Variants in PCDHB2 observed in about 807,000 individuals in gnomAD.
PCDHB2 encodes the protein protocadherin beta 2.
For synonymous variants in PCDHB2, 395 were observed against 464.9 expected, an observed-to-expected ratio of 0.85 and a Z score of 1.93; for missense variants, 914 against 1,023.1, an observed-to-expected ratio of 0.89 and a Z score of 1.45.
In PCDHB2 at chr5:141,094,654, C is replaced by T; in HGVS notation, c.-137C>T. On this transcript the variant is annotated 5_prime_UTR_variant, in exon 1 of 1. Coordinates refer to ENST00000194155, the MANE Select transcript of PCDHB2 (RefSeq NM_018936.4). ...AGAAGCAGCAAGCAGGAAGAGGAGG[C>T]TTTCTAAGGCGGTCGCTCCGGGAAA... 2 of 622,986 alleles carry T rather than the reference C, an allele frequency of 3.2e-6. No individual in the cohort carries two copies. Among genetic ancestry groups the T allele is most frequent in the Non-Finnish European group, 5.3e-6 (2 of 375,592 alleles). 38.6% of individuals were successfully genotyped at this position (622,986 alleles called of 1,614,324 possible).
In PCDHB2 at chr5:141,097,450, C is replaced by A; in HGVS notation, c.*263C>A. On this transcript the variant is annotated 3_prime_UTR_variant, in exon 1 of 1. Transcript: ENST00000194155. ...AAGTAAATTTTGTATTTTCAGAAAT[C>A]TTTAAGTTAGAGCATCTTTTCCAGA... is the stretch of plus-strand genomic sequence containing the variant. 2 of 374,084 alleles carry A rather than the reference C, an allele frequency of 5.3e-6. No individual in the cohort carries two copies. Among genetic ancestry groups the A allele is most frequent in the Admixed American group, 8.7e-5 (2 of 22,958 alleles). The allele number at this position is 374,084 out of a possible 1,614,324, so 23.2% of individuals were successfully genotyped here.
Position 141,096,836 on chromosome 5 carries a change from G to A in PCDHB2, c.2046G>A (p.Gln682=), listed in dbSNP as rs1751842081. 1.9e-6 allele frequency: 3 copies of A among 1,610,922 alleles called. No individual in the cohort carries two copies. Among genetic ancestry groups the A allele is most frequent in the Non-Finnish European group, 1.7e-6 (2 of 1,179,780 alleles). The stretch of plus-strand genomic sequence containing the variant: ...TGCTCCCGGAGGCGGCACCGGCCCA[G>A]GCCCAGGCCGACTTGCTCACCGTCT... ...YLLLPEAAPA[Q]AQADLLTVYL... The change falls in exon 1 of 1, where the codon CAG becomes CAA. Residue 682 remains glutamine (Q), a synonymous_variant. Transcript: ENST00000194155.
rs904799816 is a variant in PCDHB2 at position 141,098,251 on chromosome 5, C to T, written c.*1064C>T. 3 of 151,856 alleles carry T rather than the reference C, an allele frequency of 2.0e-5. No homozygotes were observed. Among genetic ancestry groups the T allele is most frequent in the African/African-American group, 2.4e-5 (1 of 41,298 alleles). 9.4% of individuals were successfully genotyped at this position (151,856 alleles called of 1,614,324 possible). A position where few individuals can be genotyped will look rare whatever the true frequency, so the allele number is the denominator to read the frequency against. ...TAAGAGCCCTCTGCTTATTCCAGTC[C>T]CCCCCTTTAAAATCTTTTAAAATTA... On this transcript the variant is annotated 3_prime_UTR_variant, in exon 1 of 1. Coordinates refer to ENST00000194155, the MANE Select transcript of PCDHB2 (RefSeq NM_018936.4).
Position 141,095,885 on chromosome 5 carries a change from C to A in PCDHB2, c.1095C>A (p.Thr365=). ...INQIPENLQD[T]LIAVFSVSDP... ...AGATCCCAGAAAACTTGCAGGACAC[C>A]CTCATTGCTGTATTCAGCGTTTCAG... Residue 365 remains threonine, a synonymous_variant, in exon 1 of 1, where the codon ACC becomes ACA. Coordinates refer to ENST00000194155, the MANE Select transcript of PCDHB2 (RefSeq NM_018936.4). 3 of 1,613,996 alleles carry A rather than the reference C, an allele frequency of 1.9e-6. No homozygotes were observed. Among genetic ancestry groups the A allele is most frequent in the Non-Finnish European group, 2.5e-6 (3 of 1,179,926 alleles).
chr5:141,095,594 C>T lies in PCDHB2; in HGVS notation c.804C>T (p.Ala268=). 1 of 1,614,162 alleles carries T rather than the reference C, an allele frequency of 6.2e-7. No individual in the cohort carries two copies. The highest frequency in any genetic ancestry group is 8.5e-7 in the Non-Finnish European group (1 of 1,180,028). ...GATCCCAGGTTGCCATCGTCTCTGC[C>T]AGGGATTTAGACATTGGAACTAATG... ...PVGSQVAIVS[A]RDLDIGTNGE... Residue 268 remains alanine, a synonymous_variant, in exon 1 of 1, where the codon GCC becomes GCT. Transcript: ENST00000194155.
At position 141,095,986 on chromosome 5, in the gene PCDHB2, T is replaced by C; in HGVS notation, c.1196T>C (p.Val399Ala). ...CTTCCTTTTTTCTTGAAACCTTCTG[T>C]TGAGAACTTTTACACTCTGGTGATA... The part of the protein sequence containing the change: ...DDLPFFLKPS[V>A]ENFYTLVIST... Residue 399 changes from valine to alanine, a missense_variant, in exon 1 of 1, where the codon GTT becomes GCT. By Grantham distance (64) the Val-to-Ala change is moderately conservative. Coordinates refer to ENST00000194155, the MANE Select transcript of PCDHB2 (RefSeq NM_018936.4). The C allele has an allele frequency of 1.9e-6, 3 of 1,614,150 alleles. No homozygotes were observed. The highest frequency in any genetic ancestry group is 2.5e-6 in the Non-Finnish European group (3 of 1,180,028).
chr5:141,095,506 A>T lies in PCDHB2; in HGVS notation c.716A>T (p.Asp239Val). 6.2e-7 allele frequency: 1 copy of T among 1,614,080 alleles called. No individual in the cohort carries two copies. The highest frequency in any genetic ancestry group is 1.1e-5 in the South Asian group (1 of 91,066). Residue 239 changes from aspartate to valine, a missense_variant, in exon 1 of 1, where the codon GAC (aspartate) becomes GTC (valine). Coordinates refer to ENST00000194155, the MANE Select transcript of PCDHB2 (RefSeq NM_018936.4). ...CGGATTGAAGTTGTGGACATCAATG[A>T]CAACGTCCCAGAGTTTGCAAAGCTG... Reference protein sequence around the residue: ...LVRIEVVDINDNVPEFAKLLY... With the variant: ...LVRIEVVDINVNVPEFAKLLY...
rs1751792178 is a variant in PCDHB2, at chr5:141,095,563, C to T, written c.773C>T (p.Pro258Leu). 1.2e-6 allele frequency: 2 copies of T among 1,613,868 alleles called. No homozygotes were observed. Among genetic ancestry groups the T allele is most frequent in the South Asian group, 2.2e-5 (2 of 91,056 alleles). ...GAGGTGCAGATCCCGGAGGACAGCC[C>T]CGTTGGATCCCAGGTTGCCATCGTC... is the stretch of plus-strand genomic sequence containing the variant. ...LYEVQIPEDS[P>L]VGSQVAIVSA... Residue 258 changes from proline to leucine, a missense_variant, in exon 1 of 1, where the codon CCC becomes CTC. Transcript: ENST00000194155.
In PCDHB2 at chr5:141,095,138, G is replaced by C; in HGVS notation, c.348G>C (p.Leu116Phe). 2 of 1,613,670 alleles carry C rather than the reference G, an allele frequency of 1.2e-6. No homozygotes were observed. The highest frequency in any genetic ancestry group is 1.7e-6 in the Non-Finnish European group (2 of 1,179,802). The change falls in exon 1 of 1, where the codon TTG (leucine) becomes TTC (phenylalanine). Residue 116 changes from leucine to phenylalanine, a missense_variant. By Grantham distance (22) the Leu-to-Phe change is conservative (BLOSUM62 0). Transcript: ENST00000194155. ...TCCAGGTGTTACTAGAAAATCCCTTGCAGTTTTTTCAGGCGGAGCTACGGA... is the reference window on the plus strand; with the variant it reads ...TCCAGGTGTTACTAGAAAATCCCTTCCAGTTTTTTCAGGCGGAGCTACGGA... The part of the protein sequence containing the change: ...LPFQVLLENP[L>F]QFFQAELRIR...
In PCDHB2 at chr5:141,097,219, G is replaced by A. The variant is rs547378848; in HGVS notation, c.*32G>A. Reference sequence around the variant, plus strand: ...ATAAGGATCTACTGAGGCTAGTCTCGTTTAATTTGTGGAAAGTCCTTTTTT... The same window carrying A: ...ATAAGGATCTACTGAGGCTAGTCTCATTTAATTTGTGGAAAGTCCTTTTTT... On this transcript the variant is annotated 3_prime_UTR_variant, in exon 1 of 1. Coordinates refer to ENST00000194155, the MANE Select transcript of PCDHB2 (RefSeq NM_018936.4). 2 of 1,552,220 alleles carry A rather than the reference G, an allele frequency of 1.3e-6. No homozygotes were observed. The highest frequency in any genetic ancestry group is 2.3e-5 in the East Asian group (1 of 44,358).
At position 141,097,031 on chromosome 5, in the gene PCDHB2, G is replaced by A. The variant is rs376868263; in HGVS notation, c.2241G>A (p.Leu747=). The A allele has an allele frequency of 2.2e-4, 357 of 1,613,854 alleles. No homozygotes were observed. The highest frequency in any genetic ancestry group is 2.9e-4 in the Non-Finnish European group (337 of 1,179,892). ...QMVDVSGTGT[L]SQSYQYEVCL... is the part of the protein sequence containing the mutation. Reference sequence around the variant, plus strand: ...TGGACGTGAGCGGCACCGGGACCCTGTCCCAGAGCTACCAGTACGAGGTGT... The same window carrying A: ...TGGACGTGAGCGGCACCGGGACCCTATCCCAGAGCTACCAGTACGAGGTGT... Residue 747 remains leucine, a synonymous_variant, in exon 1 of 1, where the codon CTG becomes CTA. Transcript: ENST00000194155.
chr5:141,097,242 T>A lies in PCDHB2; in HGVS notation c.*55T>A. 6.5e-7 allele frequency: 1 copy of A among 1,527,512 alleles called. No homozygotes were observed. The highest frequency in any genetic ancestry group is 2.1e-5 in the Admixed American group (1 of 47,756). The allele number at this position is 1,527,512 out of a possible 1,614,324, so 94.6% of individuals were successfully genotyped here. The stretch of plus-strand genomic sequence containing the variant: ...TCGTTTAATTTGTGGAAAGTCCTTT[T>A]TTACTGCTTTGCCCATTGGAGGTGT... On this transcript the variant is annotated 3_prime_UTR_variant, in exon 1 of 1. Coordinates refer to ENST00000194155, the MANE Select transcript of PCDHB2 (RefSeq NM_018936.4).
chr5:141,097,275 T>A lies in PCDHB2; in HGVS notation c.*88T>A. Reference sequence around the variant, plus strand: ...TTTGCCCATTGGAGGTGTCTCCTTTTATTAGAAAGTAACCATCTTATTCCA... The same window carrying A: ...TTTGCCCATTGGAGGTGTCTCCTTTAATTAGAAAGTAACCATCTTATTCCA... On this transcript the variant is annotated 3_prime_UTR_variant, in exon 1 of 1. Transcript: ENST00000194155. 7.2e-7 allele frequency: 1 copy of A among 1,381,170 alleles called. No homozygotes were observed. The highest frequency in any genetic ancestry group is 9.9e-7 in the Non-Finnish European group (1 of 1,015,134). 85.6% of individuals were successfully genotyped at this position (1,381,170 alleles called of 1,614,324 possible). A position where few individuals can be genotyped will look rare whatever the true frequency, so the allele number is the denominator to read the frequency against.
chr5:141,096,876 T>A lies in PCDHB2; in HGVS notation c.2086T>A (p.Leu696Met), dbSNP rs782414360. Residue 696 changes from leucine (L) to methionine (M), a missense_variant, in exon 1 of 1, where the codon TTG (leucine) becomes ATG (methionine). Coordinates refer to ENST00000194155, the MANE Select transcript of PCDHB2 (RefSeq NM_018936.4). ...DLLTVYLVVA[L>M]ASVSSLFLFS... Reference sequence around the variant, plus strand: ...GCTCACCGTCTACCTGGTGGTGGCGTTGGCCTCGGTGTCTTCGCTCTTCCT... The same window carrying A: ...GCTCACCGTCTACCTGGTGGTGGCGATGGCCTCGGTGTCTTCGCTCTTCCT... 1 of 1,611,614 alleles carries A rather than the reference T, an allele frequency of 6.2e-7. No homozygotes were observed.
At position 141,094,832 on chromosome 5, in the gene PCDHB2, G is replaced by A. The variant is rs782615274; in HGVS notation, c.42G>A (p.Arg14=). ...GEGKERVPKQ[R]QVLIFFVLLG... ...GGAAGGAGCGCGTTCCGAAACAAAGGCAAGTCCTGATATTCTTTGTTTTGC... is the reference window on the plus strand; with the variant it reads ...GGAAGGAGCGCGTTCCGAAACAAAGACAAGTCCTGATATTCTTTGTTTTGC... The change falls in exon 1 of 1, where the codon AGG becomes AGA. Residue 14 remains arginine, a synonymous_variant. Coordinates refer to ENST00000194155, the MANE Select transcript of PCDHB2 (RefSeq NM_018936.4). 1.3e-5 allele frequency: 21 copies of A among 1,592,134 alleles called. No homozygotes were observed. Among genetic ancestry groups the A allele is most frequent in the South Asian group, 4.6e-5 (4 of 87,906 alleles).
chr5:141,096,081 C>A lies in PCDHB2; in HGVS notation c.1291C>A (p.Pro431Thr), dbSNP rs116177548. ...CATCACCGTCACCGACTTCGGGACA[C>A]CCAGGCTGAAAACCGAGCACAACAT... ...ITITVTDFGTPRLKTEHNITV... is the reference protein window; with the variant it reads ...ITITVTDFGTTRLKTEHNITV... The change falls in exon 1 of 1, where the codon CCC becomes ACC. Residue 431 changes from proline (P) to threonine (T), a missense_variant. Transcript: ENST00000194155. The A allele has an allele frequency of 5.9e-3, 9,528 of 1,614,114 alleles. 97 individuals carry two copies. Among genetic ancestry groups the A allele is most frequent in the South Asian group, 0.04 (3,669 of 91,062 alleles).
Position 141,095,790 on chromosome 5 carries a change from G to A in PCDHB2, c.1000G>A (p.Val334Met), listed in dbSNP as rs550623340. 1.2e-6 allele frequency: 2 copies of A among 1,614,154 alleles called. No homozygotes were observed. Among genetic ancestry groups the A allele is most frequent in the Admixed American group, 3.3e-5 (2 of 60,024 alleles). Residue 334 changes from valine to methionine, a missense_variant, in exon 1 of 1, where the codon GTG becomes ATG. Coordinates refer to ENST00000194155, the MANE Select transcript of PCDHB2 (RefSeq NM_018936.4). Reference protein sequence around the residue: ...TDGGGLSGTCVVFVQVMDLND... With the variant: ...TDGGGLSGTCMVFVQVMDLND... ...TGGTGGGGGCCTATCTGGAACTTGT[G>A]TGGTATTTGTCCAAGTGATGGATTT...
At position 141,094,908 on chromosome 5, in the gene PCDHB2, G is replaced by A; in HGVS notation, c.118G>A (p.Glu40Lys). The A allele has an allele frequency of 6.2e-7, 1 of 1,614,212 alleles. No individual in the cohort carries two copies. Among genetic ancestry groups the A allele is most frequent in the Middle Eastern group, 1.7e-4 (1 of 6,056 alleles). ...GCCTAGGCACTATTCAGTGGCCGAGGAAACGGAGAGTGGCTCCTTTGTGGC... is the reference window on the plus strand; with the variant it reads ...GCCTAGGCACTATTCAGTGGCCGAGAAAACGGAGAGTGGCTCCTTTGTGGC... Reference protein sequence around the residue: ...CQPRHYSVAEETESGSFVANL... With the variant: ...CQPRHYSVAEKTESGSFVANL... The change falls in exon 1 of 1, where the codon GAA (glutamate) becomes AAA (lysine). Residue 40 changes from glutamate (E) to lysine (K), a missense_variant. Physicochemically the swap from Glu to Lys is moderately conservative, Grantham distance 56 (BLOSUM62 1). Transcript: ENST00000194155.
Position 141,096,834 on chromosome 5 carries a change from C to T in PCDHB2, c.2044C>T (p.Gln682Ter). 1.2e-6 allele frequency: 2 copies of T among 1,610,892 alleles called. No homozygotes were observed. Among genetic ancestry groups the T allele is most frequent in the African/African-American group, 2.7e-5 (2 of 74,996 alleles). The stretch of plus-strand genomic sequence containing the variant: ...GCTGCTCCCGGAGGCGGCACCGGCC[C>T]AGGCCCAGGCCGACTTGCTCACCGT... ...YLLLPEAAPAQAQADLLTVYL... is the reference protein window; with the variant it reads ...YLLLPEAAPA The change falls in exon 1 of 1, where the codon CAG (glutamine) becomes TAG (stop). Residue 682 changes from glutamine to a stop codon, truncating the protein, a stop_gained. Coordinates refer to ENST00000194155, the MANE Select transcript of PCDHB2 (RefSeq NM_018936.4). LOFTEE classifies it low-confidence loss of function (END_TRUNC).
Sources: allele counts gnomAD v4.1 joint callset, GRCh38; gene constraint gnomAD v4.1.1; transcripts MANE v1.5; gene names NCBI Gene and HGNC (gene_info 2026-07-23, HGNC 2026-07-21).